PSMB7: variants seen among roughly 807,000 people sequenced by gnomAD.
PSMB7 encodes proteasome 20S subunit beta 7, also known as proteasome subunit beta type-7.
In PSMB7, 5 loss-of-function variants were observed where a neutral mutation model predicts 28.1. That is an observed-to-expected ratio of 0.18 (90% CI 0.09 to 0.37). PSMB7 has a LOEUF of 0.37. Ranked by LOEUF, PSMB7 falls within the 10% of genes least tolerant of loss-of-function variation. The probability of loss-of-function intolerance (pLI) is 1.00; values close to 1 mark genes in which losing one functional copy is unlikely to be tolerated. For missense variants in PSMB7, 275 were observed against 346.2 expected (o/e 0.79, Z 1.63); for synonymous variants, 122 against 123.7 (o/e 0.99, Z 0.09).
chr9:124,356,627 T>G lies in PSMB7; in HGVS notation c.722+137A>C. On this transcript the variant is annotated intron_variant, in intron 7 of 7. Transcript: ENST00000259457. This position sits in a 1 kb window ranked among gnomAD's most constrained non-coding sequence, Gnocchi z 4.4. ...AAGCAAGTAACAAGCCGAAGGTCTG[T>G]GTGGGAGGTTGATTTGGGAACACTG... The G allele has an allele frequency of 1.0e-6, 1 of 978,590 alleles. No homozygotes were observed. Among genetic ancestry groups the G allele is most frequent in the Non-Finnish European group, 1.5e-6 (1 of 664,312 alleles). 60.6% of individuals were successfully genotyped at this position (978,590 alleles called of 1,614,324 possible).
At chr9:124,383,247 C>G (rs1267217582) in intron 6 of PSMB7, among the ~76,000 whole-genome samples, 1 of 151,918 alleles carries the variant, frequency 6.6e-6, no homozygotes, top group African/African-American at 2.4e-5. Flanking sequence ...GAACAGAATC[C>G]CAATCTCATT....
rs929689399 is a variant in PSMB7 at position 124,386,340 on chromosome 9, T to C, written c.512-1684A>G. On this transcript the variant is annotated intron_variant, in intron 5 of 7. Transcript: ENST00000259457. ...TGAAGATGTGGAAACAGGGTCAAAC[T>C]CCACCAATGTTCTGTGAGTCACATA... Among the ~76,000 whole-genome samples, 5 of 152,250 alleles carry C rather than the reference T, an allele frequency of 3.3e-5. No individual in the cohort carries two copies. In the South Asian group the frequency reaches 6.2e-4, roughly 19 times the overall value.
rs138568190 is a variant in PSMB7, at chr9:124,365,921, C to T, written c.571-9006G>A. Among the ~76,000 whole-genome samples, 1,249 of 152,022 alleles carry T rather than the reference C, an allele frequency of 8.2e-3. 15 individuals carry two copies. Among genetic ancestry groups the T allele is most frequent in the Non-Finnish European group, 0.01 (690 of 67,960 alleles). On this transcript the variant is annotated intron_variant, in intron 6 of 7. Transcript: ENST00000259457. ...CAGAGCAAAACCTTGTCTCAAAAAA[C>T]GAGAGAGAAAGGAGAGAAAGAGAGA...
At chr9:124,396,370 G>A (rs1830843968) in intron 5 of PSMB7, among the ~76,000 whole-genome samples, 1 of 152,094 alleles carries the variant, frequency 6.6e-6, no homozygotes, top group Non-Finnish European at 1.5e-5. Flanking sequence ...CGTAACGATG[G>A]CAAATCTGAA....
chr9:124,408,992 T>C (rs554394468), intron 4 of PSMB7, among the ~76,000 whole-genome samples: 2 of 152,368 alleles, frequency 1.3e-5, no homozygotes, highest in South Asian at 4.1e-4. Flanking sequence ...AGTACAACTA[T>C]AATCCCATTT....
At position 124,399,009 on chromosome 9, in the gene PSMB7, C is replaced by CAA. The variant is rs34386702; in HGVS notation, c.511+6306_511+6307dup. Among the ~76,000 whole-genome samples the CAA allele has an allele frequency of 7.3e-3, 941 of 129,258 alleles. 9 individuals carry two copies. The highest frequency in any genetic ancestry group is 0.025 in the African/African-American group (875 of 34,562). The allele number at this position is 129,258 out of a possible 152,430, so 84.8% of individuals were successfully genotyped here. The stretch of plus-strand genomic sequence containing the variant: ...ATTCAAAATAATACTAAGCTTTAAC[C>CAA]AAAAAAAAAAAAAAAAAAGTAAAAG... On this transcript the variant is annotated intron_variant, in intron 5 of 7. Transcript: ENST00000259457.
chr9:124,379,916 A>G (rs1374227714), intron 6 of PSMB7, among the ~76,000 whole-genome samples: 1 of 152,230 alleles, frequency 6.6e-6, no homozygotes, highest in African/African-American at 2.4e-5. Flanking sequence ...CTACTGTCTC[A>G]AGGCAACAGA....
chr9:124,368,151 C>G (rs1830525825), intron 6 of PSMB7, among the ~76,000 whole-genome samples: 1 of 152,102 alleles, frequency 6.6e-6, no homozygotes, highest in African/African-American at 2.4e-5. Context: ...AGAAGGCAGA[C>G]TTACTGTGTG....
chr9:124,390,609 T>C (rs1830774285), intron 5 of PSMB7, among the ~76,000 whole-genome samples: 1 of 152,154 alleles, frequency 6.6e-6, no homozygotes, highest in Non-Finnish European at 1.5e-5. Context: ...TTAACAGACA[T>C]GCTTATGCAC....
At chr9:124,361,264 GCTAT>G (rs1185689473) in intron 6 of PSMB7, among the ~76,000 whole-genome samples, 3 of 152,210 alleles carry the variant, frequency 2.0e-5, no homozygotes, top group Admixed American at 1.3e-4. Flanking sequence ...ACTTTATAGA[GCTAT>G]CTGTTTGTCT....
At chr9:124,382,197 TCTC>T (rs1338629907) in intron 6 of PSMB7, among the ~76,000 whole-genome samples, 1 of 105,424 alleles carries the variant, frequency 9.5e-6, no homozygotes, top group Admixed American at 1.2e-4. Context: ...CTCTCTCTTT[TCTC>T]TTTTTTTTTT....
chr9:124,353,797 C>G (rs927844734), intron 7 of PSMB7, 88 bp from the exon 8 acceptor site: 1 of 973,144 alleles, frequency 1.0e-6, no homozygotes, highest in Non-Finnish European at 1.6e-6. Flanking sequence ...ATTCAGGCAA[C>G]GCAGTGAGCA....
chr9:124,371,336 C>CA (rs1291614612), intron 6 of PSMB7, among the ~76,000 whole-genome samples: 5 of 152,184 alleles, frequency 3.3e-5, no homozygotes. Context: ...AACCCATATA[C>CA]AAGAAAGTGG....
At chr9:124,387,484 T>C (rs1436318657) in intron 5 of PSMB7, among the ~76,000 whole-genome samples, 2 of 150,370 alleles carry the variant, frequency 1.3e-5, no homozygotes, top group Non-Finnish European at 2.9e-5. Context: ...AAAAAATACA[T>C]ACATACACAC....
At chr9:124,398,110 C>T (rs191408048) in intron 5 of PSMB7, among the ~76,000 whole-genome samples, 42 of 151,732 alleles carry the variant, frequency 2.8e-4, no homozygotes, top group African/African-American at 7.7e-4. Context: ...GAGGTGGAGG[C>T]TGCAGTGAGC....
intron 4 of PSMB7, among the ~76,000 whole-genome samples, chr9:124,409,426 G>A (rs985362229): frequency 6.6e-6 from 1 of 152,178 alleles, no homozygotes; most frequent in Non-Finnish European, 1.5e-5. Flanking sequence ...CAACAAGGAG[G>A]TTCCATGCTC....
At chr9:124,392,014 G>T (rs1190303107) in intron 5 of PSMB7, among the ~76,000 whole-genome samples, 2 of 152,210 alleles carry the variant, frequency 1.3e-5, no homozygotes, top group Non-Finnish European at 2.9e-5. Context: ...CTAATAAGGT[G>T]CTCACTAACT....
intron 5 of PSMB7, among the ~76,000 whole-genome samples, chr9:124,386,157 A>C (rs1013272248): frequency 3.9e-5 from 6 of 152,158 alleles, no homozygotes; most frequent in Admixed American, 3.3e-4. Context: ...AAAAAAAAAA[A>C]AAAAACTAAA....
chr9:124,363,614 G>A (rs1236109631), intron 6 of PSMB7, among the ~76,000 whole-genome samples: 2 of 152,208 alleles, frequency 1.3e-5, no homozygotes, highest in South Asian at 2.1e-4. Flanking sequence ...CCGAGCTGCA[G>A]CTGGTGCTGG....
Sources: allele counts gnomAD v4.1 joint callset (sites outside exome capture counted in the v4.1 genomes callset), GRCh38; gene constraint gnomAD v4.1.1; non-coding constraint Gnocchi (gnomAD v3.1); transcripts MANE v1.5; gene names NCBI Gene and HGNC (gene_info 2026-07-23, HGNC 2026-07-21).